VPS53: variants seen among roughly 807,000 people sequenced by gnomAD.
VPS53 encodes VPS53 subunit of GARP complex.
A neutral mutation model predicts 107.0 loss-of-function variants in VPS53; 70 were observed. That is an observed-to-expected ratio of 0.65 (90% confidence interval 0.54 to 0.80). The LOEUF is 0.80. Among genes scored for constraint, VPS53 ranks in the 30% least tolerant of loss-of-function variants. VPS53 has a pLI of 0.00. For synonymous variants in VPS53, 409 were observed against 393.3 expected, an observed-to-expected ratio of 1.04 and a Z score of -0.47; for missense variants, 917 against 1,049.4, an observed-to-expected ratio of 0.87 and a Z score of 1.74.
Position 560,415 on chromosome 17 carries a change from G to C in VPS53, c.1704+11C>G. On this transcript the variant is annotated intron_variant, in intron 15 of 21. Coordinates refer to ENST00000437048, the MANE Select transcript of VPS53 (RefSeq NM_001128159.3). ...AAAGGAGGTGGTGAGTGGGCAGCCA[G>C]GATGGCTCACCTGCTGGGTGGTGGC... 4 of 1,607,216 alleles carry C rather than the reference G, an allele frequency of 2.5e-6. No homozygotes were observed. The East Asian group carries it at 8.9e-5, about 36-fold the overall frequency.
At chr17:564,087 T>C (rs1487822945) in intron 13 of VPS53, among the ~76,000 whole-genome samples, 1 of 150,308 alleles carries the variant, frequency 6.7e-6, no homozygotes, top group Non-Finnish European at 1.5e-5. Flanking sequence ...CCGTCTCTAC[T>C]AAAAATACAA....
In VPS53 at chr17:700,760, T is replaced by C. The variant is rs148683546; in HGVS notation, c.169-1380A>G. On this transcript the variant is annotated intron_variant, in intron 2 of 21. Coordinates refer to ENST00000437048, the MANE Select transcript of VPS53 (RefSeq NM_001128159.3). The stretch of plus-strand genomic sequence containing the variant: ...ACTATTTTAATTCAAGTTTTCAAAA[T>C]ACAATTTAATAAATCCTCTTCCTCT... Among the ~76,000 whole-genome samples, 556 of 152,318 alleles carry C rather than the reference T, an allele frequency of 3.7e-3. 2 individuals are homozygous for C. The Middle Eastern group carries it at 0.068, about 19-fold the overall frequency.
chr17:565,459 A>G (rs1913415916), intron 13 of VPS53, among the ~76,000 whole-genome samples: 1 of 151,804 alleles, frequency 6.6e-6, no homozygotes, highest in Non-Finnish European at 1.5e-5. Flanking sequence ...TATTATATCC[A>G]GATACAACCA....
rs1003859789 is a variant in VPS53 at position 517,286 on chromosome 17, G to A, written c.*1842C>T. The A allele has an allele frequency of 2.3e-5, 9 of 394,696 alleles. No homozygotes were observed. Among genetic ancestry groups the A allele is most frequent in the Non-Finnish European group, 3.6e-5 (8 of 224,078 alleles). The allele number at this position is 394,696 out of a possible 1,614,324, so 24.4% of individuals were successfully genotyped here. A position where few individuals can be genotyped will look rare whatever the true frequency, so the allele number is the denominator to read the frequency against. On this transcript the variant is annotated 3_prime_UTR_variant, in exon 22 of 22. Transcript: ENST00000437048. ...TTCTCAAATTTGAGACGCTTGATGC[G>A]TGAGAGTCAAACCAGCTAGCAAGGA...
At chr17:709,291 G>A (rs1973546587) in intron 2 of VPS53, among the ~76,000 whole-genome samples, 1 of 151,828 alleles carries the variant, frequency 6.6e-6, no homozygotes, top group African/African-American at 2.4e-5. Flanking sequence ...TGTATTTGTT[G>A]GTTTATTTCT....
In VPS53 at chr17:713,110, G is replaced by T. The variant is rs567163217; in HGVS notation, c.87+1513C>A. 2.0e-5 allele frequency among the ~76,000 whole-genome samples: 3 copies of T among 150,046 alleles called. No individual in the cohort carries two copies. The South Asian group carries it at 6.4e-4, about 32-fold the overall frequency. ...CAGCTACTCGGGAGGCTGAGGCAGGGTTATCACTTGAGCCCCAGGAGTTCG... is the reference window on the plus strand; with the variant it reads ...CAGCTACTCGGGAGGCTGAGGCAGGTTTATCACTTGAGCCCCAGGAGTTCG... On this transcript the variant is annotated intron_variant, in intron 1 of 21. Transcript: ENST00000437048.
intron 13 of VPS53, among the ~76,000 whole-genome samples, chr17:571,469 C>CTCTCCCTCTCCCTCTCCT (rs1914050722): frequency 8.3e-6 from 1 of 120,050 alleles, no homozygotes; most frequent in Non-Finnish European, 1.8e-5. Context: ...CAACAATGGG[C>CTCTCCCTCTCCCTCTCCT]TCTCCCTCTC....
intron 4 of VPS53, among the ~76,000 whole-genome samples, chr17:664,267 A>G (rs1971588031): frequency 6.6e-6 from 1 of 151,988 alleles, no homozygotes; most frequent in Non-Finnish European, 1.5e-5. Flanking sequence ...TTTAGTAGAG[A>G]CGGGGTTTCA....
At position 614,019 on chromosome 17, in the gene VPS53, C is replaced by A. The variant is rs530406229; in HGVS notation, c.1116+9514G>T. 2.8e-3 allele frequency among the ~76,000 whole-genome samples: 431 copies of A among 152,322 alleles called. 3 individuals carry two copies. Among genetic ancestry groups the A allele is most frequent in the Non-Finnish European group, 5.2e-3 (354 of 68,036 alleles). The stretch of plus-strand genomic sequence containing the variant: ...TGTCCAGAGGGAGGGAAGGCAGACA[C>A]AAAAACCACACATCGTAGCATCCGT... On this transcript the variant is annotated intron_variant, in intron 11 of 21. Coordinates refer to ENST00000437048, the MANE Select transcript of VPS53 (RefSeq NM_001128159.3).
At chr17:530,837 G>T (rs1909484761) in intron 19 of VPS53, among the ~76,000 whole-genome samples, 3 of 152,126 alleles carry the variant, frequency 2.0e-5, no homozygotes, top group African/African-American at 7.2e-5. Flanking sequence ...GGACTCTGGG[G>T]CCCAAAGATA....
At chr17:664,276 C>T (rs1462606911) in intron 4 of VPS53, among the ~76,000 whole-genome samples, 2 of 152,110 alleles carry the variant, frequency 1.3e-5, no homozygotes. Context: ...GACGGGGTTT[C>T]ACCGTGTTGG....
intron 1 of VPS53, among the ~76,000 whole-genome samples, chr17:711,559 C>G (rs11871883): frequency 1.3e-5 from 2 of 152,244 alleles, no homozygotes; most frequent in South Asian, 2.1e-4. Context: ...CTCAATGATA[C>G]GTGCTCACCA....
intron 16 of VPS53, chr17:552,906 G>A: frequency 2.4e-6 from 1 of 412,868 alleles, no homozygotes; most frequent in Non-Finnish European, 4.3e-6. Flanking sequence ...CAGCGAGCAA[G>A]TGTGTACAAG....
At chr17:644,336 C>T (rs568422554) in intron 7 of VPS53, among the ~76,000 whole-genome samples, 4 of 152,294 alleles carry the variant, frequency 2.6e-5, no homozygotes, top group East Asian at 1.9e-4. Context: ...ATTTGAGAAA[C>T]GGAAGCAATG....
At chr17:566,298 G>C (rs1913505714) in intron 13 of VPS53, among the ~76,000 whole-genome samples, 1 of 151,766 alleles carries the variant, frequency 6.6e-6, no homozygotes, top group South Asian at 2.1e-4. Flanking sequence ...TTTCTTCACT[G>C]ATCTCTCTTG....
At chr17:554,133 G>A (rs1341504266) in intron 15 of VPS53, among the ~76,000 whole-genome samples, 2 of 152,132 alleles carry the variant, frequency 1.3e-5, no homozygotes, top group African/African-American at 2.4e-5. Context: ...GGAAACCTTT[G>A]GTGTTGAGTA....
At chr17:639,028 A>C (rs1970316063) in intron 7 of VPS53, among the ~76,000 whole-genome samples, 1 of 152,116 alleles carries the variant, frequency 6.6e-6, no homozygotes, top group Non-Finnish European at 1.5e-5. Context: ...ACTTGGTTCC[A>C]TTCTCCCCAT....
At chr17:552,800 A>AG in intron 16 of VPS53, 1 of 286,698 alleles carries the variant, frequency 3.5e-6, no homozygotes, top group Non-Finnish European at 6.5e-6. Context: ...AGTGGCCAGT[A>AG]GGGACTCATT....
At chr17:622,700 G>C (rs1597394321) in intron 11 of VPS53, among the ~76,000 whole-genome samples, 1 of 151,890 alleles carries the variant, frequency 6.6e-6, no homozygotes, top group Non-Finnish European at 1.5e-5. Flanking sequence ...CCTCCAAAGA[G>C]AAGAGGTTTA....
Sources: allele counts gnomAD v4.1 joint callset (sites outside exome capture counted in the v4.1 genomes callset), GRCh38; gene constraint gnomAD v4.1.1; transcripts MANE v1.5; gene names NCBI Gene and HGNC (gene_info 2026-07-23, HGNC 2026-07-21).